The following WDR43 variants were observed in gnomAD, a reference collection of about 807,000 sequenced individuals.
WDR43 encodes the protein WD repeat domain 43.
Under a neutral mutation model 91.4 loss-of-function variants are expected in WDR43, and 13 were observed. That is an observed-to-expected ratio of 0.14 (90% CI 0.09 to 0.23). The LOEUF is 0.23. Among genes scored for constraint, WDR43 ranks in the 10% least tolerant of loss-of-function variants. The pLI, the probability that WDR43 is intolerant of heterozygous loss-of-function variation, is 1.00. For missense variants in WDR43, 780 were observed against 809.4 expected (o/e 0.96, Z 0.44); for synonymous variants, 331 against 287.9 (o/e 1.15, Z -1.51).
intron 10 of WDR43, 156 bp downstream of exon 10, chr2:28,927,856 A>G (rs1179892632): frequency 2.9e-6 from 3 of 1,047,660 alleles, no homozygotes; most frequent in South Asian, 1.8e-5. Context: ...CATAGATTTC[A>G]TAATTCTAGA....
chr2:28,903,246 G>T (rs991622035), intron 2 of WDR43, among the ~76,000 whole-genome samples: 3 of 152,008 alleles, frequency 2.0e-5, no homozygotes, highest in Admixed American at 6.6e-5. Flanking sequence ...CCATTTAGGG[G>T]TTTCCAGATT....
chr2:28,908,515 A>G (rs1670727322), intron 3 of WDR43, among the ~76,000 whole-genome samples: 1 of 152,186 alleles, frequency 6.6e-6, no homozygotes. Context: ...AGAGGTCACA[A>G]AGATAGGTCC....
At chr2:28,926,603 G>C (rs1387948293) in intron 9 of WDR43, 49 bp downstream of exon 9, 1 of 1,447,508 alleles carries the variant, frequency 6.9e-7, no homozygotes, top group African/African-American at 1.4e-5. Flanking sequence ...TATTTCTTTG[G>C]GTGAATGGAA....
Position 28,926,410 on chromosome 2 carries a change from G to C in WDR43, c.1087-58G>C, listed in dbSNP as rs1272484315. 4 of 1,296,056 alleles carry C rather than the reference G, an allele frequency of 3.1e-6. No individual in the cohort carries two copies. In the African/African-American group the frequency reaches 6.0e-5, roughly 19 times the overall value. 80.3% of individuals were successfully genotyped at this position (1,296,056 alleles called of 1,614,324 possible). A position where few individuals can be genotyped will look rare whatever the true frequency, so the allele number is the denominator to read the frequency against. ...GTTCTTATTCCCAGTTGCTTTGTTT[G>C]ACACTCTTTTTTTTTTCTTTCCTCT... On this transcript the variant is annotated intron_variant, in intron 8 of 17. Coordinates refer to ENST00000407426, the MANE Select transcript of WDR43 (RefSeq NM_015131.3).
At chr2:28,913,944 G>C in intron 4 of WDR43, 125 bp from the exon 5 acceptor site, 1 of 1,091,170 alleles carries the variant, frequency 9.2e-7, no homozygotes, top group Non-Finnish European at 1.3e-6. Flanking sequence ...GAATTGAACA[G>C]TTACTTCATC....
In WDR43 at chr2:28,946,878, T is replaced by G; in HGVS notation, c.*99T>G. 1 of 1,382,916 alleles carries G rather than the reference T, an allele frequency of 7.2e-7. No homozygotes were observed. Among genetic ancestry groups the G allele is most frequent in the Non-Finnish European group, 9.5e-7 (1 of 1,048,804 alleles). The allele number at this position is 1,382,916 out of a possible 1,614,324, so 85.7% of individuals were successfully genotyped here. A position where few individuals can be genotyped will look rare whatever the true frequency, so the allele number is the denominator to read the frequency against. On this transcript the variant is annotated 3_prime_UTR_variant, in exon 18 of 18. Coordinates refer to ENST00000407426, the MANE Select transcript of WDR43 (RefSeq NM_015131.3). ...CCAGGATGCCAAGGACCGCTGCACA[T>G]TTCCAAATTCACAGCAGTGGATCCC...
chr2:28,895,536 G>A (rs1670463965), intron 1 of WDR43, among the ~76,000 whole-genome samples: 2 of 152,102 alleles, frequency 1.3e-5, no homozygotes, highest in Middle Eastern at 6.8e-3. Flanking sequence ...TTTAACATCT[G>A]CTCGCCCCTC....
intron 5 of WDR43, among the ~76,000 whole-genome samples, chr2:28,915,021 G>GA (rs199636277): frequency 1.8e-4 from 27 of 150,034 alleles, no homozygotes; most frequent in Admixed American, 4.6e-4. Context: ...AAGTTGGCTT[G>GA]AAAAAAAAAC....
chr2:28,906,658 T>C, intron 3 of WDR43, 77 bp downstream of exon 3: 1 of 1,522,272 alleles, frequency 6.6e-7, no homozygotes, highest in African/African-American at 1.4e-5. Context: ...CAGACATTAA[T>C]AAGGTTATAG....
chr2:28,920,893 T>G (rs1671011613), intron 6 of WDR43, among the ~76,000 whole-genome samples: 1 of 151,980 alleles, frequency 6.6e-6, no homozygotes, highest in South Asian at 2.1e-4. Flanking sequence ...GCCAGGCTGG[T>G]CTTGAACTCC....
chr2:28,917,199 T>C (rs572790501), intron 5 of WDR43, among the ~76,000 whole-genome samples: 1 of 152,308 alleles, frequency 6.6e-6, no homozygotes, highest in South Asian at 2.1e-4. Flanking sequence ...ATTGAATGTG[T>C]TAGGCAACTC....
chr2:28,940,784 T>A (rs1671420670), intron 14 of WDR43, among the ~76,000 whole-genome samples: 1 of 152,208 alleles, frequency 6.6e-6, no homozygotes, highest in Non-Finnish European at 1.5e-5. Flanking sequence ...TTACCATTGT[T>A]TTATTCCTCA....
At chr2:28,936,741 C>T (rs1671343390) in intron 12 of WDR43, among the ~76,000 whole-genome samples, 181 bp from the exon 13 acceptor site, 1 of 152,100 alleles carries the variant, frequency 6.6e-6, no homozygotes, top group Non-Finnish European at 1.5e-5. Context: ...TAAGTCCTAT[C>T]CTAGACTTTT....
intron 2 of WDR43, among the ~76,000 whole-genome samples, chr2:28,903,578 C>G (rs1670616768): frequency 6.6e-6 from 1 of 152,150 alleles, no homozygotes; most frequent in Admixed American, 6.6e-5. Context: ...AAAAATAATA[C>G]TCAACTATAA....
intron 3 of WDR43, among the ~76,000 whole-genome samples, chr2:28,907,509 AGT>A (rs1345697420): frequency 6.7e-6 from 1 of 148,376 alleles, no homozygotes; most frequent in Admixed American, 6.8e-5. Flanking sequence ...CCCAGATACG[AGT>A]CTGAAGTGGG....
At chr2:28,942,468 A>C in intron 16 of WDR43, 87 bp downstream of exon 16, 1 of 1,391,038 alleles carries the variant, frequency 7.2e-7, no homozygotes, top group Middle Eastern at 1.8e-4. Context: ...GAAAACGTCA[A>C]CATAAGATCT....
chr2:28,905,784 C>G (rs917700853), intron 2 of WDR43, among the ~76,000 whole-genome samples: 1 of 151,830 alleles, frequency 6.6e-6, no homozygotes, highest in Non-Finnish European at 1.5e-5. Context: ...CCTGCCTCAG[C>G]CTCTCAGGTA....
intron 1 of WDR43, 73 bp downstream of exon 1, chr2:28,894,996 G>T (rs942945589): frequency 3.6e-6 from 5 of 1,392,766 alleles, no homozygotes; most frequent in Non-Finnish European, 2.8e-6. Context: ...CGGGTGGCGC[G>T]TGGTCCGGCA....
intron 11 of WDR43, among the ~76,000 whole-genome samples, chr2:28,933,803 T>C (rs922431052): frequency 1.3e-5 from 2 of 152,160 alleles, no homozygotes; most frequent in Non-Finnish European, 2.9e-5. Context: ...ACACCCCTTA[T>C]AGGTTGATAA....
Sources: gnomAD v4.1 joint callset for allele counts (sites outside exome capture counted in the v4.1 genomes callset) on GRCh38, gnomAD v4.1.1 for gene constraint, MANE v1.5 for transcripts, NCBI Gene and HGNC (gene_info 2026-07-23, HGNC 2026-07-21) for gene names.